Variants in ACCS observed in about 807,000 individuals in gnomAD.
ACCS encodes 1-aminocyclopropane-1-carboxylate synthase homolog (inactive), also known as 1-aminocyclopropane-1-carboxylate synthase-like protein 1.
Under a neutral mutation model 59.8 loss-of-function variants are expected in ACCS, and 42 were observed. The observed-to-expected ratio is 0.70, with a 90% CI of 0.55 to 0.91. The LOEUF is 0.91. ACCS is among the 40% of genes least tolerant of loss of function. The pLI, the probability that ACCS is intolerant of heterozygous loss-of-function variation, is 0.00. For missense variants in ACCS, 602 were observed against 630.4 expected (o/e 0.95, Z 0.48); for synonymous variants, 230 against 240.3 (o/e 0.96, Z 0.40).
rs1423369066 is a variant in ACCS, at chr11:44,078,619, T to C, written c.733-65T>C. ...GGGAGCCTTCCAGCGATCAGCCCCC[T>C]TTGACTGTGTGGCTCTGGCCTTGGG... On this transcript the variant is annotated intron_variant, in intron 8 of 14. Transcript: ENST00000263776. The C allele has an allele frequency of 1.3e-5, 19 of 1,479,948 alleles. No individual in the cohort carries two copies. The Admixed American group carries it at 3.2e-4, about 25-fold the overall frequency. 91.7% of individuals were successfully genotyped at this position (1,479,948 alleles called of 1,614,324 possible). A position where few individuals can be genotyped will look rare whatever the true frequency, so the allele number is the denominator to read the frequency against.
At chr11:44,075,748 C>T (rs941785443) in intron 6 of ACCS, 156 bp downstream of exon 6, 12 of 816,110 alleles carry the variant, frequency 1.5e-5, no homozygotes, top group Admixed American at 1.1e-4. Context: ...ACAAAGCACC[C>T]GGGGGTCAGC....
At position 44,079,040 on chromosome 11, in the gene ACCS, A is replaced by G. The variant is rs1169179051; in HGVS notation, c.833+256A>G. 1.2e-5 allele frequency: 6 copies of G among 482,744 alleles called. No homozygotes were observed. The East Asian group carries it at 2.1e-4, about 17-fold the overall frequency. The allele number at this position is 482,744 out of a possible 1,614,324, so 29.9% of individuals were successfully genotyped here. A position where few individuals can be genotyped will look rare whatever the true frequency, so the allele number is the denominator to read the frequency against. ...CCATGCTAAGCACTTTATGTGCCTCATACAATCCTCACAACAATGCTATCA... is the reference window on the plus strand; with the variant it reads ...CCATGCTAAGCACTTTATGTGCCTCGTACAATCCTCACAACAATGCTATCA... On this transcript the variant is annotated intron_variant, in intron 9 of 14. Coordinates refer to ENST00000263776, the MANE Select transcript of ACCS (RefSeq NM_032592.4).
intron 2 of ACCS, among the ~76,000 whole-genome samples, chr11:44,070,859 T>C (rs1222450647): frequency 6.6e-6 from 1 of 152,160 alleles, no homozygotes; most frequent in East Asian, 1.9e-4. Flanking sequence ...AGAGAAACAG[T>C]GGTGTCTTCA....
In ACCS at chr11:44,074,820, T is replaced by A. The variant is rs577377665; in HGVS notation, c.489+139T>A. The A allele has an allele frequency of 1.2e-3, 388 of 319,358 alleles. 9 individuals carry two copies. Among genetic ancestry groups the A allele is most frequent in the African/African-American group, 0.011 (367 of 33,688 alleles). 19.8% of individuals were successfully genotyped at this position (319,358 alleles called of 1,614,324 possible). Reference sequence around the variant, plus strand: ...TCTCCTTCCTTCCTTCTCTTTTTTTTTTTTTTATTTTTTTTATTTTTTCAG... The same window carrying A: ...TCTCCTTCCTTCCTTCTCTTTTTTTATTTTTTATTTTTTTTATTTTTTCAG... On this transcript the variant is annotated intron_variant, in intron 5 of 14. Coordinates refer to ENST00000263776, the MANE Select transcript of ACCS (RefSeq NM_032592.4).
chr11:44,079,703 C>T (rs1282532838), intron 10 of ACCS, 83 bp downstream of exon 10: 4 of 1,269,030 alleles, frequency 3.2e-6, no homozygotes, highest in Non-Finnish European at 3.4e-6. Context: ...GCCCACAGGG[C>T]ATGGCCTGCC....
chr11:44,077,756 C>T (rs1252245694), intron 7 of ACCS, 89 bp from the exon 8 acceptor site: 2 of 1,526,564 alleles, frequency 1.3e-6, no homozygotes, highest in East Asian at 2.3e-5. Context: ...CTGGGGATTA[C>T]AGGGGAGGAG....
At chr11:44,079,955 C>G (rs926104209) in intron 10 of ACCS, among the ~76,000 whole-genome samples, 9 of 152,206 alleles carry the variant, frequency 5.9e-5, no homozygotes, top group Admixed American at 4.6e-4. Context: ...CATTCATGCT[C>G]TCATTCACTC....
Position 44,073,495 on chromosome 11 carries a change from G to A in ACCS, c.397G>A (p.Ala133Thr), listed in dbSNP as rs1287500493. 6.2e-7 allele frequency: 1 copy of A among 1,608,828 alleles called. No homozygotes were observed. The highest frequency in any genetic ancestry group is 2.2e-5 in the East Asian group (1 of 44,742). The change falls in exon 4 of 15, where the codon GCT becomes ACT. Residue 133 changes from alanine to threonine, a missense_variant. Ala to Thr is a moderately conservative substitution (Grantham distance 58). Coordinates refer to ENST00000263776, the MANE Select transcript of ACCS (RefSeq NM_032592.4). ...QRVEPSLLQY[A>T]DWRGHLFLRE... is the part of the protein sequence containing the mutation. Reference sequence around the variant, plus strand: ...GGTGGAGCCATCCCTGCTGCAGTATGCTGACTGGAGGGGACATCTGTTGTA... The same window carrying A: ...GGTGGAGCCATCCCTGCTGCAGTATACTGACTGGAGGGGACATCTGTTGTA...
rs1427950268 is a variant in ACCS at position 44,083,822 on chromosome 11, C to T, written c.*30C>T. 1 of 1,568,460 alleles carries T rather than the reference C, an allele frequency of 6.4e-7. No homozygotes were observed. Among genetic ancestry groups the T allele is most frequent in the African/African-American group, 1.4e-5 (1 of 73,906 alleles). Reference sequence around the variant, plus strand: ...GTCATTGTCTCGTGGCCAGAGGGCCCAGCAGCCACTGTGGACCTGGGGCGT... The same window carrying T: ...GTCATTGTCTCGTGGCCAGAGGGCCTAGCAGCCACTGTGGACCTGGGGCGT... On this transcript the variant is annotated 3_prime_UTR_variant, in exon 15 of 15. Coordinates refer to ENST00000263776, the MANE Select transcript of ACCS (RefSeq NM_032592.4).
chr11:44,073,709 G>A (rs1184157697), intron 4 of ACCS, among the ~76,000 whole-genome samples, 192 bp downstream of exon 4: 3 of 152,244 alleles, frequency 2.0e-5, no homozygotes, highest in African/African-American at 4.8e-5. Context: ...CCGAACATCA[G>A]TAGTGGCAGG....
At chr11:44,071,177 C>A in intron 2 of ACCS, 79 bp from the exon 3 acceptor site, 1 of 1,494,132 alleles carries the variant, frequency 6.7e-7, no homozygotes, top group Non-Finnish European at 9.3e-7. Flanking sequence ...CTTTGCTTTG[C>A]TGCCTCCATG....
chr11:44,074,019 G>A (rs2134844532), intron 4 of ACCS, among the ~76,000 whole-genome samples: 1 of 152,256 alleles, frequency 6.6e-6, no homozygotes, highest in East Asian at 1.9e-4. Flanking sequence ...GGCTGAGCAG[G>A]ACTTGATCCC....
At chr11:44,078,993 C>T (rs1048056127) in intron 9 of ACCS, 6 of 558,286 alleles carry the variant, frequency 1.1e-5, no homozygotes, top group Admixed American at 6.1e-5. Context: ...TATCAATTAG[C>T]GCACACTCTA....
chr11:44,075,715 A>G, intron 6 of ACCS, 123 bp downstream of exon 6: 2 of 1,180,170 alleles, frequency 1.7e-6, no homozygotes, highest in East Asian at 2.5e-5. Context: ...ACTAGACTGC[A>G]GGGGGCTTGA....
Position 44,084,003 on chromosome 11 carries a change from A to G in ACCS, c.*211A>G. ...CTGGGCCCTCCCTCTCTCCTATTAA[A>G]CAAAACTAGGAGAGTCCATATGTCT... is the stretch of plus-strand genomic sequence containing the variant. On this transcript the variant is annotated 3_prime_UTR_variant, in exon 15 of 15. Transcript: ENST00000263776. 1 of 1,044,232 alleles carries G rather than the reference A, an allele frequency of 9.6e-7. No homozygotes were observed. The highest frequency in any genetic ancestry group is 1.3e-6 in the Non-Finnish European group (1 of 751,554). The allele number at this position is 1,044,232 out of a possible 1,614,324, so 64.7% of individuals were successfully genotyped here.
At chr11:44,083,031 C>T (rs994989409) in intron 12 of ACCS, 138 bp from the exon 13 acceptor site, 5 of 1,171,752 alleles carry the variant, frequency 4.3e-6, no homozygotes, top group Non-Finnish European at 6.1e-6. Flanking sequence ...TAATCCTTCC[C>T]ACCACAGCAG....
chr11:44,073,324 ACT>A (rs1410488125), intron 3 of ACCS, 121 bp from the exon 4 acceptor site: 24 of 812,876 alleles, frequency 3.0e-5, no homozygotes, highest in Non-Finnish European at 4.1e-5. Flanking sequence ...GAAAGCTGTC[ACT>A]CTCTGCCCCT....
In ACCS at chr11:44,075,590, G is replaced by A. The variant is rs780510236; in HGVS notation, c.554G>A (p.Gly185Glu). 1 of 1,614,012 alleles carries A rather than the reference G, an allele frequency of 6.2e-7. No individual in the cohort carries two copies. The highest frequency in any genetic ancestry group is 1.1e-5 in the South Asian group (1 of 91,082). The change falls in exon 6 of 15, where the codon GGG (glycine) becomes GAG (glutamate). Residue 185 changes from glycine (G) to glutamate (E), a missense_variant and splice_region_variant. By Grantham distance (98) the Gly-to-Glu change is moderately conservative (BLOSUM62 -2). Transcript: ENST00000263776. ...CTGGCCACGGTGCTGTGTGAGGCCG[G>A]GGGTAAGTGAGCTCTGTGGCCTGCC... ...SALATVLCEA[G>E]EAFLIPTPYY...
Position 44,083,509 on chromosome 11 carries a change from C to T in ACCS, c.1340C>T (p.Ala447Val), listed in dbSNP as rs765699775. ...AAGGTGCTGCTGTCCTTTGGCAAGGCCTTCGAGTGTAAAGAGCCTGGTTGG... is the reference window on the plus strand; with the variant it reads ...AAGGTGCTGCTGTCCTTTGGCAAGGTCTTCGAGTGTAAAGAGCCTGGTTGG... ...DNKVLLSFGK[A>V]FECKEPGWFR... The change falls in exon 14 of 15, where the codon GCC (alanine) becomes GTC (valine). Residue 447 changes from alanine to valine, a missense_variant. Transcript: ENST00000263776. The T allele has an allele frequency of 2.5e-6, 4 of 1,614,258 alleles. No individual in the cohort carries two copies. In the Admixed American group the frequency reaches 5.0e-5, roughly 20 times the overall value.
Sources: gnomAD v4.1 joint callset for allele counts (sites outside exome capture counted in the v4.1 genomes callset) on GRCh38, gnomAD v4.1.1 for gene constraint, MANE v1.5 for transcripts, NCBI Gene and HGNC (gene_info 2026-07-23, HGNC 2026-07-21) for gene names.